Variants in TTC8 observed in about 807,000 individuals in gnomAD.
TTC8 encodes tetratricopeptide repeat protein 8.
In TTC8, 47 loss-of-function variants were observed where a neutral mutation model predicts 72.5. The observed-to-expected ratio is 0.65, with a 90% confidence interval of 0.51 to 0.83. The LOEUF is 0.83. TTC8 is among the 40% of genes least tolerant of loss of function. TTC8 has a pLI of 0.00. For missense variants in TTC8, 611 were observed against 623.2 expected (o/e 0.98, Z 0.21); for synonymous variants, 199 against 221.4 (o/e 0.90, Z 0.90).
intron 9 of TTC8, among the ~76,000 whole-genome samples, chr14:88,858,689 G>C (rs966789799): frequency 2.7e-5 from 4 of 150,926 alleles, no homozygotes; most frequent in African/African-American, 7.3e-5. Flanking sequence ...GACTTCCCAG[G>C]CTCAGGCGAT....
In TTC8 at chr14:88,836,156, C is replaced by T. The variant is rs55782986; in HGVS notation, c.144+2434C>T. ...AGAAATTAAATTAATATTTTTCTAT[C>T]TTTTTGAAAAAGTGGATTCTTACGG... On this transcript the variant is annotated intron_variant, in intron 2 of 14. Transcript: ENST00000380656. Among the ~76,000 whole-genome samples, 5 of 152,050 alleles carry T rather than the reference C, an allele frequency of 3.3e-5. No individual in the cohort carries two copies. The East Asian group carries it at 7.7e-4, about 24-fold the overall frequency.
At position 88,877,457 on chromosome 14, in the gene TTC8, G is replaced by C. The variant is rs747438227; in HGVS notation, c.*47G>C. On this transcript the variant is annotated 3_prime_UTR_variant, in exon 15 of 15. Coordinates refer to ENST00000380656, the MANE Select transcript of TTC8 (RefSeq NM_144596.4). ...TTCTTATGAAGCAGCATTATGCAAG[G>C]GGAAAAAAGCACTATGTCTGTGTAT... 1 of 1,473,230 alleles carries C rather than the reference G, an allele frequency of 6.8e-7. No individual in the cohort carries two copies. Among genetic ancestry groups the C allele is most frequent in the South Asian group, 1.1e-5 (1 of 88,020 alleles). 91.3% of individuals were successfully genotyped at this position (1,473,230 alleles called of 1,614,324 possible).
chr14:88,846,183 T>G (rs1431564071), intron 7 of TTC8, among the ~76,000 whole-genome samples: 1 of 151,916 alleles, frequency 6.6e-6, no homozygotes, highest in East Asian at 1.9e-4. Flanking sequence ...GGCACGTGCT[T>G]GTAGTCCCAG....
Position 88,839,509 on chromosome 14 carries a change from G to C in TTC8, c.202G>C (p.Asp68His). 1 of 1,613,242 alleles carries C rather than the reference G, an allele frequency of 6.2e-7. No homozygotes were observed. Among genetic ancestry groups the C allele is most frequent in the Non-Finnish European group, 8.5e-7 (1 of 1,179,454 alleles). The change falls in exon 3 of 15, where the codon GAT becomes CAT. Residue 68 changes from aspartate to histidine, a missense_variant. By Grantham distance (81) the Asp-to-His change is moderately conservative. Transcript: ENST00000380656. Reference protein sequence around the residue: ...LTEMVYIDEIDVDQEGIAEMM... With the variant: ...LTEMVYIDEIHVDQEGIAEMM... ...AGAAATGGTATACATAGATGAAATTGATGTAGATCAGGAAGGAATTGCAGA... is the reference window on the plus strand; with the variant it reads ...AGAAATGGTATACATAGATGAAATTCATGTAGATCAGGAAGGAATTGCAGA...
chr14:88,864,115 G>A (rs1161940071), intron 10 of TTC8, among the ~76,000 whole-genome samples: 2 of 152,112 alleles, frequency 1.3e-5, no homozygotes, highest in East Asian at 1.9e-4. Flanking sequence ...ATACCTAGGT[G>A]ATAGTATATG....
intron 1 of TTC8, among the ~76,000 whole-genome samples, chr14:88,831,593 G>A (rs1199122075): frequency 6.6e-6 from 1 of 152,128 alleles, no homozygotes; most frequent in Non-Finnish European, 1.5e-5. Flanking sequence ...ATCTGTAAAT[G>A]GTGATGATAG....
At chr14:88,876,934 A>G (rs1054296193) in intron 14 of TTC8, among the ~76,000 whole-genome samples, 1 of 152,336 alleles carries the variant, frequency 6.6e-6, no homozygotes. Context: ...CTGTTTCAGC[A>G]TGTAAATATC....
chr14:88,861,949 G>A (rs1394996203), intron 10 of TTC8, among the ~76,000 whole-genome samples: 1 of 152,116 alleles, frequency 6.6e-6, no homozygotes, highest in Admixed American at 6.6e-5. Flanking sequence ...ATAAACATGG[G>A]ATATCTCTTT....
intron 2 of TTC8, chr14:88,836,914 A>C (rs1211060966): frequency 1.7e-5 from 3 of 181,760 alleles, no homozygotes; most frequent in African/African-American, 7.2e-5. Context: ...ACAGAAAATT[A>C]GCTGGGCGTG....
chr14:88,867,496 C>T (rs1214472231), intron 10 of TTC8, among the ~76,000 whole-genome samples: 1 of 152,092 alleles, frequency 6.6e-6, no homozygotes, highest in Non-Finnish European at 1.5e-5. Flanking sequence ...TATGTATGAA[C>T]AAAATTTCCT....
intron 1 of TTC8, among the ~76,000 whole-genome samples, chr14:88,831,741 T>C (rs2140958155): frequency 6.6e-6 from 1 of 152,358 alleles, no homozygotes; most frequent in Admixed American, 6.5e-5. Context: ...AAAGGATTGC[T>C]GGGAATCTGA....
intron 1 of TTC8, chr14:88,831,134 G>A (rs1359432474): frequency 1.3e-5 from 3 of 235,892 alleles, no homozygotes; most frequent in Non-Finnish European, 2.6e-5. Flanking sequence ...CAGATGGCAA[G>A]GAAAGCGACC....
intron 7 of TTC8, among the ~76,000 whole-genome samples, chr14:88,849,943 A>G (rs2140994134): frequency 6.6e-6 from 1 of 152,254 alleles, no homozygotes; most frequent in South Asian, 2.1e-4. Context: ...ATCATCCTGA[A>G]GTTGTTACAA....
chr14:88,861,110 T>G, intron 9 of TTC8, 112 bp from the exon 10 acceptor site: 1 of 864,374 alleles, frequency 1.2e-6, no homozygotes, highest in Admixed American at 2.4e-5. Context: ...GGCTAAAAAT[T>G]CTTTAATGTA....
intron 8 of TTC8, among the ~76,000 whole-genome samples, chr14:88,854,329 T>G (rs975349368): frequency 6.6e-6 from 1 of 152,340 alleles, no homozygotes; most frequent in East Asian, 1.9e-4. Context: ...TTCTGTTCTT[T>G]AATACCTGCC....
chr14:88,879,781 A>G (rs1395420620), downstream of TTC8: 1 of 151,568 alleles, frequency 6.6e-6, no homozygotes, highest in South Asian at 2.1e-4. Flanking sequence ...GGTTCAAGCA[A>G]TTTTCGTGCC....
At chr14:88,872,749 C>G (rs1244034807) in intron 13 of TTC8, among the ~76,000 whole-genome samples, 1 of 152,158 alleles carries the variant, frequency 6.6e-6, no homozygotes, top group Non-Finnish European at 1.5e-5. Flanking sequence ...CATAACTGCT[C>G]AAGCCAAAAT....
At chr14:88,827,511 C>T (rs2094706895) in intron 1 of TTC8, among the ~76,000 whole-genome samples, 2 of 152,128 alleles carry the variant, frequency 1.3e-5, no homozygotes, top group African/African-American at 4.8e-5. Context: ...TAATGAGTAG[C>T]ATTTTACCAG....
At chr14:88,847,206 T>C (rs1322751560) in intron 7 of TTC8, among the ~76,000 whole-genome samples, 1 of 152,204 alleles carries the variant, frequency 6.6e-6, no homozygotes, top group Non-Finnish European at 1.5e-5. Flanking sequence ...TAGAATATAG[T>C]AGTTTAAAAA....
Sources: allele counts gnomAD v4.1 joint callset (sites outside exome capture counted in the v4.1 genomes callset), GRCh38; gene constraint gnomAD v4.1.1; transcripts MANE v1.5; gene names NCBI Gene and HGNC (gene_info 2026-07-23, HGNC 2026-07-21).